The following CTSG variants were observed in gnomAD, a reference collection of about 807,000 sequenced individuals.
CTSG encodes cathepsin G.
Under a neutral mutation model 23.0 loss-of-function variants are expected in CTSG, and 23 were observed. The observed-to-expected ratio is 1.00, with a 90% CI of 0.72 to 1.42. The LOEUF (loss-of-function observed/expected upper bound fraction) is 1.42. Among genes scored for constraint, CTSG ranks in the 40% most tolerant of loss-of-function variants. The probability of loss-of-function intolerance (pLI) is 0.00; values close to 1 mark genes in which losing one functional copy is unlikely to be tolerated. For synonymous variants in CTSG, 140 were observed against 130.4 expected (o/e 1.07, Z -0.50); for missense variants, 312 against 326.2 (o/e 0.96, Z 0.33).
At position 24,574,376 on chromosome 14, in the gene CTSG, C is replaced by G. The variant is rs1376810557; in HGVS notation, c.463G>C (p.Gly155Arg). Residue 155 changes from glycine (G) to arginine (R), a missense_variant, in exon 4 of 5, where the codon GGA (glycine) becomes CGA (arginine). Coordinates refer to ENST00000216336, the MANE Select transcript of CTSG (RefSeq NM_001911.3). ...AGWGRVSMRR[G>R]TDTLREVQLR... The stretch of plus-strand genomic sequence containing the variant: ...TGCACCTCTCGGAGTGTATCTGTTC[C>G]CCTCCTCATGCTGACCCTGCCCCAG... 1.9e-6 allele frequency: 3 copies of G among 1,611,062 alleles called. No homozygotes were observed. Among genetic ancestry groups the G allele is most frequent in the Non-Finnish European group, 2.5e-6 (3 of 1,180,016 alleles).
At chr14:24,575,624 C>T (rs573531085) in intron 1 of CTSG, among the ~76,000 whole-genome samples, 35 of 152,244 alleles carry the variant, frequency 2.3e-4, no homozygotes, top group Non-Finnish European at 4.4e-4. Flanking sequence ...TTGAAAGGAG[C>T]CCTTTTCCCC....
At position 24,573,674 on chromosome 14, in the gene CTSG, C is replaced by T. The variant is rs1397963388; in HGVS notation, c.731G>A (p.Ser244Asn). 1 of 1,614,070 alleles carries T rather than the reference C, an allele frequency of 6.2e-7. No individual in the cohort carries two copies. Among genetic ancestry groups the T allele is most frequent in the East Asian group, 2.2e-5 (1 of 44,874 alleles). ...FLPWIRTTMR[S>N]FKLLDQMETP... ...CTCCATCTGATCCAGCAGTTTGAAG[C>T]TTCTCATTGTTGTCCTTATCCAGGG... The change falls in exon 5 of 5, where the codon AGC becomes AAC. Residue 244 changes from serine to asparagine, a missense_variant. Physicochemically the swap from Ser to Asn is conservative, Grantham distance 46 (BLOSUM62 1). Transcript: ENST00000216336.
At chr14:24,574,203 C>T in intron 4 of CTSG, 42 bp downstream of exon 4, 1 of 1,596,338 alleles carries the variant, frequency 6.3e-7, no homozygotes, top group Non-Finnish European at 8.5e-7. Context: ...TCTGCACGGG[C>T]CCCTCTCTCC....
rs571179425 is a variant in CTSG, at chr14:24,575,477, G to A, written c.56-65C>T. 7.0e-6 allele frequency: 11 copies of A among 1,568,198 alleles called. No homozygotes were observed. The African/African-American group carries it at 1.5e-4, about 21-fold the overall frequency. ...AACCTGCAATGTGGGTACCAGATTG[G>A]TGGCTCCAGAAAGGCTGGAAGATGG... On this transcript the variant is annotated intron_variant, in intron 1 of 4. Coordinates refer to ENST00000216336, the MANE Select transcript of CTSG (RefSeq NM_001911.3).
chr14:24,574,641 C>G, intron 3 of CTSG, 34 bp downstream of exon 3: 1 of 1,614,098 alleles, frequency 6.2e-7, no homozygotes, highest in East Asian at 2.2e-5. Context: ...CCCGGACACA[C>G]TAGGAAGGAG....
At chr14:24,574,854 C>T (rs1004519210) in intron 2 of CTSG, 44 bp from the exon 3 acceptor site, 1 of 1,611,076 alleles carries the variant, frequency 6.2e-7, no homozygotes, top group Non-Finnish European at 8.5e-7. Flanking sequence ...AGCTATGGTC[C>T]ACCAGCTCTG....
Position 24,574,397 on chromosome 14 carries a change from C to T in CTSG, c.442G>A (p.Gly148Ser). The T allele has an allele frequency of 6.2e-7, 1 of 1,612,628 alleles. No individual in the cohort carries two copies. Among genetic ancestry groups the T allele is most frequent in the South Asian group, 1.1e-5 (1 of 91,062 alleles). The change falls in exon 4 of 5, where the codon GGC (glycine) becomes AGC (serine). Residue 148 changes from glycine (G) to serine (S), a missense_variant. By Grantham distance (56) the Gly-to-Ser change is moderately conservative. Transcript: ENST00000216336. ...GTTCCCCTCCTCATGCTGACCCTGC[C>T]CCAGCCGGCCACAGTGCACAGCGTC... is the stretch of plus-strand genomic sequence containing the variant. The part of the protein sequence containing the change: ...PGTLCTVAGW[G>S]RVSMRRGTDT...
rs1259205482 is a variant in CTSG at position 24,574,714 on chromosome 14, A to G, written c.300T>C (p.Tyr100=). 1 of 1,614,014 alleles carries G rather than the reference A, an allele frequency of 6.2e-7. No individual in the cohort carries two copies. The highest frequency in any genetic ancestry group is 2.2e-5 in the East Asian group (1 of 44,874). Residue 100 remains tyrosine (Y), a synonymous_variant, in exon 3 of 5, where the codon TAT becomes TAC. Transcript: ENST00000216336. Reference sequence around the variant, plus strand: ...TGTCATTCTGGATGGTCCGCTGATTATATTGAGGGTGGCGGATGGCTCTGC... The same window carrying G: ...TGTCATTCTGGATGGTCCGCTGATTGTATTGAGGGTGGCGGATGGCTCTGC... ...TARRAIRHPQ[Y]NQRTIQNDIM...
intron 2 of CTSG, 50 bp from the exon 3 acceptor site, chr14:24,574,860 C>G (rs1348737675): frequency 6.2e-7 from 1 of 1,610,378 alleles, no homozygotes; most frequent in African/African-American, 1.3e-5. Context: ...GGTCCACCAG[C>G]TCTGCAGGGT....
In CTSG at chr14:24,573,547, T is replaced by G; in HGVS notation, c.*90A>C. ...TACTGAATGACGTTTAATGAACAAATGAGGAATTGGTTATTTATACTCTGT... is the reference window on the plus strand; with the variant it reads ...TACTGAATGACGTTTAATGAACAAAGGAGGAATTGGTTATTTATACTCTGT... On this transcript the variant is annotated 3_prime_UTR_variant, in exon 5 of 5. Coordinates refer to ENST00000216336, the MANE Select transcript of CTSG (RefSeq NM_001911.3). The G allele has an allele frequency of 7.0e-6, 9 of 1,280,092 alleles. No individual in the cohort carries two copies. Among genetic ancestry groups the G allele is most frequent in the Admixed American group, 2.3e-5 (1 of 43,812 alleles). 79.3% of individuals were successfully genotyped at this position (1,280,092 alleles called of 1,614,324 possible).
At chr14:24,573,896 T>G (rs982549268) in intron 4 of CTSG, 86 bp from the exon 5 acceptor site, 29 of 1,280,702 alleles carry the variant, frequency 2.3e-5, no homozygotes, top group Non-Finnish European at 2.9e-5. Flanking sequence ...AAGGCAGGGG[T>G]GGGTGGGCCC....
Position 24,573,821 on chromosome 14 carries a change from A to G in CTSG, c.595-11T>C. ...GCCTCCGGAATCCCCCTGTAGGTAGAGAGGAGAAGGGAGACTGAGACAGGC... is the reference window on the plus strand; with the variant it reads ...GCCTCCGGAATCCCCCTGTAGGTAGGGAGGAGAAGGGAGACTGAGACAGGC... On this transcript the variant is annotated splice_polypyrimidine_tract_variant and intron_variant, in intron 4 of 4. Transcript: ENST00000216336. The G allele has an allele frequency of 6.2e-7, 1 of 1,611,800 alleles. No individual in the cohort carries two copies.
chr14:24,574,506 G>A lies in CTSG; in HGVS notation c.340-7C>T, dbSNP rs1330712669. On this transcript the variant is annotated splice_region_variant and splice_polypyrimidine_tract_variant and intron_variant, in intron 3 of 4. Coordinates refer to ENST00000216336, the MANE Select transcript of CTSG (RefSeq NM_001911.3). ...GTCTGACTCTTCTGCTCAGCTGGAG[G>A]AAGAATGTAGGCGTTCCCGCTCAGC... 1.9e-6 allele frequency: 3 copies of A among 1,613,894 alleles called. No homozygotes were observed. Among genetic ancestry groups the A allele is most frequent in the South Asian group, 1.1e-5 (1 of 91,070 alleles).
chr14:24,574,195 T>G (rs781392047), intron 4 of CTSG, 50 bp downstream of exon 4: 11 of 1,594,038 alleles, frequency 6.9e-6, no homozygotes, highest in Non-Finnish European at 9.3e-6. Context: ...TGCCTGGCTC[T>G]GCACGGGCCC....
Position 24,575,542 on chromosome 14 carries a change from T to A in CTSG, c.56-130A>T. The A allele has an allele frequency of 1.1e-5, 11 of 964,782 alleles. 1 individual carries two copies. The South Asian group carries it at 1.6e-4, about 14-fold the overall frequency. The allele number at this position is 964,782 out of a possible 1,614,324, so 59.8% of individuals were successfully genotyped here. On this transcript the variant is annotated intron_variant, in intron 1 of 4. Transcript: ENST00000216336. ...AGGGTGCAGGAGAGGGAGGAGATGG[T>A]GCTGAGGCTTGGAGTCTATGGGGCA...
chr14:24,575,217 C>T lies in CTSG; in HGVS notation c.203+48G>A, dbSNP rs564479432. On this transcript the variant is annotated intron_variant, in intron 2 of 4. Transcript: ENST00000216336. The stretch of plus-strand genomic sequence containing the variant: ...CAGATGGCTCTTCCACCGAAGAGCT[C>T]CGCAGGGCTGTGTTCCTGGCTGGCC... 23 of 1,612,096 alleles carry T rather than the reference C, an allele frequency of 1.4e-5. 1 individual carries two copies. In the South Asian group the frequency reaches 2.4e-4, roughly 17 times the overall value.
rs138881085 is a variant in CTSG, at chr14:24,575,218, C to T, written c.203+47G>A. 5.1e-4 allele frequency: 817 copies of T among 1,611,968 alleles called. 3 individuals carry two copies. The African/African-American group carries it at 9.2e-3, about 18-fold the overall frequency. On this transcript the variant is annotated intron_variant, in intron 2 of 4. Coordinates refer to ENST00000216336, the MANE Select transcript of CTSG (RefSeq NM_001911.3). Reference sequence around the variant, plus strand: ...AGATGGCTCTTCCACCGAAGAGCTCCGCAGGGCTGTGTTCCTGGCTGGCCA... The same window carrying T: ...AGATGGCTCTTCCACCGAAGAGCTCTGCAGGGCTGTGTTCCTGGCTGGCCA...
chr14:24,573,833 A>G, intron 4 of CTSG, 23 bp from the exon 5 acceptor site: 2 of 1,602,444 alleles, frequency 1.2e-6, no homozygotes, highest in South Asian at 2.2e-5. Context: ...AGGAGAAGGG[A>G]GACTGAGACA....
At chr14:24,575,540 G>A in intron 1 of CTSG, 128 bp from the exon 2 acceptor site, 1 of 990,386 alleles carries the variant, frequency 1.0e-6, no homozygotes, top group Non-Finnish European at 1.5e-6. Flanking sequence ...GGGAGGAGAT[G>A]GTGCTGAGGC....
Sources: gnomAD v4.1 joint callset for allele counts (sites outside exome capture counted in the v4.1 genomes callset) on GRCh38, gnomAD v4.1.1 for gene constraint, MANE v1.5 for transcripts, NCBI Gene and HGNC (gene_info 2026-07-23, HGNC 2026-07-21) for gene names.